The following LGI4 variants were observed in gnomAD, a reference collection of about 807,000 sequenced individuals.
The protein encoded by LGI4 is leucine-rich repeat LGI family member 4.
A neutral mutation model predicts 48.3 loss-of-function variants in LGI4; 36 were observed. That is an observed-to-expected ratio of 0.75 (90% CI 0.57 to 0.98). LGI4 has a LOEUF of 0.98. Among genes scored for constraint, LGI4 ranks in the 50% least tolerant of loss-of-function variants. The pLI, the probability that LGI4 is intolerant of heterozygous loss-of-function variation, is 0.00. For missense variants in LGI4, 701 were observed against 732.1 expected, an observed-to-expected ratio of 0.96 and a Z score of 0.49; for synonymous variants, 355 against 331.6, an observed-to-expected ratio of 1.07 and a Z score of -0.77.
Position 35,131,826 on chromosome 19 carries a change from T to C in LGI4, c.421A>G (p.Arg141Gly). 8 of 1,574,394 alleles carry C rather than the reference T, an allele frequency of 5.1e-6. No individual in the cohort carries two copies. Among genetic ancestry groups the C allele is most frequent in the Non-Finnish European group, 6.9e-6 (8 of 1,159,600 alleles). Residue 141 changes from arginine to glycine, a missense_variant, in exon 5 of 9, where the codon AGA becomes GGA. Transcript: ENST00000310123. ...LANNHLETLP[R>G]FLFRGLDTLT... Reference sequence around the variant, plus strand: ...GTGTCCAGGCCTCGGAACAGGAATCTGGGGAGGGTCTCCAGATGGTTATTG... The same window carrying C: ...GTGTCCAGGCCTCGGAACAGGAATCCGGGGAGGGTCTCCAGATGGTTATTG...
intron 1 of LGI4, 141 bp downstream of exon 1, chr19:35,134,370 G>A (rs913729606): frequency 2.2e-6 from 2 of 889,014 alleles, no homozygotes; most frequent in Non-Finnish European, 3.5e-6. Flanking sequence ...CCTCTTCAAG[G>A]CATCCCGACA....
chr19:35,132,564 A>T (rs2065183254), intron 3 of LGI4, among the ~76,000 whole-genome samples: 1 of 152,160 alleles, frequency 6.6e-6, no homozygotes, highest in Non-Finnish European at 1.5e-5. Flanking sequence ...CCCCAAGACC[A>T]ATAACTGCTG....
At chr19:35,127,705 G>A (rs905434413) in intron 6 of LGI4, among the ~76,000 whole-genome samples, 1 of 152,146 alleles carries the variant, frequency 6.6e-6, no homozygotes, top group Admixed American at 6.5e-5. Context: ...TATTTTCTAA[G>A]CTGTGTGGCA....
rs1438314065 is a variant in LGI4, at chr19:35,126,509, G to C, written c.1060C>G (p.Pro354Ala). 6.5e-7 allele frequency: 1 copy of C among 1,549,866 alleles called. No individual in the cohort carries two copies. The highest frequency in any genetic ancestry group is 8.7e-7 in the Non-Finnish European group (1 of 1,152,350). The part of the protein sequence containing the change: ...LLCRDGPGFY[P>A]HQSLHAWHRD... Reference sequence around the variant, plus strand: ...TGCCAGGCGTGCAGGCTCTGGTGCGGGTAAAAGCCGGGCCCGTCGCGGCAC... The same window carrying C: ...TGCCAGGCGTGCAGGCTCTGGTGCGCGTAAAAGCCGGGCCCGTCGCGGCAC... The change falls in exon 8 of 9, where the codon CCG becomes GCG. Residue 354 changes from proline (P) to alanine (A), a missense_variant. Coordinates refer to ENST00000310123, the MANE Select transcript of LGI4 (RefSeq NM_139284.3).
Position 35,126,404 on chromosome 19 carries a change from G to C in LGI4, c.1165C>G (p.Leu389Val). 6.2e-6 allele frequency: 10 copies of C among 1,608,564 alleles called. No homozygotes were observed. The highest frequency in any genetic ancestry group is 8.5e-6 in the Non-Finnish European group (10 of 1,178,808). The change falls in exon 8 of 9, where the codon CTC (leucine) becomes GTC (valine). Residue 389 changes from leucine (L) to valine (V), a missense_variant. Physicochemically the swap from Leu to Val is conservative, Grantham distance 32. Around this residue, in one of 3 missense-constraint regions of LGI4, gnomAD observed 223 missense variants for 263.3 expected, o/e 0.85. Coordinates refer to ENST00000310123, the MANE Select transcript of LGI4 (RefSeq NM_139284.3). ...AAGCGGCCACCGGTCCAGTGGAAGA[G>C]CACGGGCCGCTGGGAAGCCGAGGCC... The part of the protein sequence containing the change: ...LLASASQRPV[L>V]FHWTGGRFER...
intron 8 of LGI4, 139 bp from the exon 9 acceptor site, chr19:35,125,646 G>C: frequency 1.3e-6 from 1 of 775,994 alleles, no homozygotes; most frequent in Non-Finnish European, 2.2e-6. Context: ...CACCTGTTCG[G>C]CCACACACAT....
rs745318221 is a variant in LGI4 at position 35,134,626 on chromosome 19, C to T, written c.55G>A (p.Ala19Thr). The T allele has an allele frequency of 4.4e-6, 7 of 1,575,796 alleles. No homozygotes were observed. Among genetic ancestry groups the T allele is most frequent in the South Asian group, 2.3e-5 (2 of 86,708 alleles). Residue 19 changes from alanine to threonine, a missense_variant, in exon 1 of 9, where the codon GCC becomes ACC. Ala to Thr is a moderately conservative substitution (Grantham distance 58, BLOSUM62 0). This residue lies in a region of LGI4 where 462 missense variants were observed against 436.4 expected (regional missense o/e 1.06). Transcript: ENST00000310123. ...CACTTTCCCTTTGGGGGTCTCCAGG[C>T]CACCACCACCCCCGCCCCAGCCAGC... is the stretch of plus-strand genomic sequence containing the variant. The part of the protein sequence containing the change: ...LLLAGAGVVV[A>T]WRPPKGKCPL...
At chr19:35,131,620 C>A in intron 5 of LGI4, 65 bp from the exon 6 acceptor site, 1 of 1,516,226 alleles carries the variant, frequency 6.6e-7, no homozygotes, top group South Asian at 1.2e-5. Context: ...ATGCTCCTGC[C>A]CCCACCTCAG....
Position 35,126,787 on chromosome 19 carries a change from T to TG in LGI4, c.794-13dup. 6.4e-7 allele frequency: 1 copy of TG among 1,557,556 alleles called. No individual in the cohort carries two copies. Among genetic ancestry groups the TG allele is most frequent in the African/African-American group, 1.4e-5 (1 of 73,254 alleles). Reference sequence around the variant, plus strand: ...CACCACGGAGGCCGCTGTGGGGAGGTGGGGAGGCAGGTCAGGCCAGCCAGG... The same window carrying TG: ...CACCACGGAGGCCGCTGTGGGGAGGTGGGGGAGGCAGGTCAGGCCAGCCAGG... On this transcript the variant is annotated splice_polypyrimidine_tract_variant and intron_variant, in intron 7 of 8. Transcript: ENST00000310123.
At chr19:35,132,201 C>T (rs1049338541) in intron 3 of LGI4, among the ~76,000 whole-genome samples, 159 bp from the exon 4 acceptor site, 2 of 152,068 alleles carry the variant, frequency 1.3e-5, no homozygotes, top group Non-Finnish European at 2.9e-5. Flanking sequence ...AAGTCCCAGC[C>T]ATCAATTCTA....
chr19:35,134,789 C>A lies in LGI4; in HGVS notation c.-109G>T. 1.6e-6 allele frequency: 1 copy of A among 607,964 alleles called. No individual in the cohort carries two copies. The highest frequency in any genetic ancestry group is 2.8e-6 in the Non-Finnish European group (1 of 351,528). 37.7% of individuals were successfully genotyped at this position (607,964 alleles called of 1,614,324 possible). A position where few individuals can be genotyped will look rare whatever the true frequency, so the allele number is the denominator to read the frequency against. The stretch of plus-strand genomic sequence containing the variant: ...CGCCCTCCATCCGCCTGCTGGCACG[C>A]TCGGCCCTGGCTTCTCTCTCCTCTT... On this transcript the variant is annotated 5_prime_UTR_variant, in exon 1 of 9. Transcript: ENST00000310123.
chr19:35,126,816 G>C (rs1370186529), intron 7 of LGI4, 37 bp downstream of exon 7: 3 of 1,595,994 alleles, frequency 1.9e-6, no homozygotes, highest in Non-Finnish European at 2.6e-6. Flanking sequence ...AGCCAGGCAG[G>C]CTGCTGGACA....
Position 35,134,615 on chromosome 19 carries a change from G to C in LGI4, c.66C>G (p.Pro22=), listed in dbSNP as rs778244644. The C allele has an allele frequency of 1.3e-6, 2 of 1,586,076 alleles. No individual in the cohort carries two copies. The highest frequency in any genetic ancestry group is 2.3e-5 in the South Asian group (2 of 87,176). Residue 22 remains proline (P), a synonymous_variant, in exon 1 of 9, where the codon CCC becomes CCG. Transcript: ENST00000310123. ...AGCGCAGGGGACACTTTCCCTTTGG[G>C]GGTCTCCAGGCCACCACCACCCCCG... ...AGAGVVVAWR[P]PKGKCPLRCS...
chr19:35,126,521 G>A lies in LGI4; in HGVS notation c.1048C>T (p.Pro350Ser). 1.9e-6 allele frequency: 3 copies of A among 1,544,122 alleles called. No homozygotes were observed. The highest frequency in any genetic ancestry group is 1.7e-4 in the Middle Eastern group (1 of 5,872). The change falls in exon 8 of 9, where the codon CCC (proline) becomes TCC (serine). Residue 350 changes from proline to serine, a missense_variant. Physicochemically the swap from Pro to Ser is moderately conservative, Grantham distance 74. This residue lies in a region of LGI4 where 16 missense variants were observed against 32.5 expected (regional missense o/e 0.49). Transcript: ENST00000310123. ...AGGCTCTGGTGCGGGTAAAAGCCGG[G>A]CCCGTCGCGGCACAGCAGCGTGGTG... is the stretch of plus-strand genomic sequence containing the variant. The part of the protein sequence containing the change: ...GSTTLLCRDG[P>S]GFYPHQSLHA...
rs867848088 is a variant in LGI4 at position 35,124,886 on chromosome 19, C to T, written c.*307G>A. On this transcript the variant is annotated 3_prime_UTR_variant, in exon 9 of 9. Coordinates refer to ENST00000310123, the MANE Select transcript of LGI4 (RefSeq NM_139284.3). ...GGAGCTCTGCACGTGACCTCCACCTCGACTCCATGCAGTGCACCAGCCTGC... is the reference window on the plus strand; with the variant it reads ...GGAGCTCTGCACGTGACCTCCACCTTGACTCCATGCAGTGCACCAGCCTGC... The T allele has an allele frequency of 1.9e-5, 5 of 267,672 alleles. No homozygotes were observed. The highest frequency in any genetic ancestry group is 2.8e-5 in the Non-Finnish European group (4 of 142,854). The allele number at this position is 267,672 out of a possible 1,614,324, so 16.6% of individuals were successfully genotyped here.
At position 35,134,123 on chromosome 19, in the gene LGI4, G is replaced by C; in HGVS notation, c.171-19C>G. On this transcript the variant is annotated intron_variant, in intron 1 of 8. Coordinates refer to ENST00000310123, the MANE Select transcript of LGI4 (RefSeq NM_139284.3). ...GAGTGAGCTGGGGATGTGGGCAGTGGTAGGTGAGAGGGACACCACAGCAAT... is the reference window on the plus strand; with the variant it reads ...GAGTGAGCTGGGGATGTGGGCAGTGCTAGGTGAGAGGGACACCACAGCAAT... The C allele has an allele frequency of 6.4e-7, 1 of 1,556,552 alleles. No individual in the cohort carries two copies. The highest frequency in any genetic ancestry group is 1.9e-5 in the Admixed American group (1 of 51,780).
At chr19:35,133,263 C>G (rs2065187447) in intron 3 of LGI4, 1 of 876,424 alleles carries the variant, frequency 1.1e-6, no homozygotes. Flanking sequence ...CCATCACCAC[C>G]ACTACCCAAT....
chr19:35,125,560 G>A (rs12976269), intron 8 of LGI4, 53 bp from the exon 9 acceptor site: 14 of 1,437,224 alleles, frequency 9.7e-6, no homozygotes, highest in South Asian at 5.5e-5. Flanking sequence ...TCTGGGGGCC[G>A]TGGAACAGCT....
At chr19:35,125,830 C>T (rs2065130542) in intron 8 of LGI4, 7 of 599,952 alleles carry the variant, frequency 1.2e-5, no homozygotes, top group Non-Finnish European at 2.2e-5. Context: ...CTAGGCTCCT[C>T]TCCCTGCTCC....
Sources: gnomAD v4.1 joint callset for allele counts (sites outside exome capture counted in the v4.1 genomes callset) on GRCh38, gnomAD v4.1.1 for gene constraint, gnomAD v4.1.1 regional missense constraint, MANE v1.5 for transcripts, NCBI Gene and HGNC (gene_info 2026-07-23, HGNC 2026-07-21) for gene names.